SFSWAP: variants seen among roughly 807,000 people sequenced by gnomAD.
The protein encoded by SFSWAP is splicing factor, suppressor of white-apricot homolog.
A neutral mutation model predicts 100.7 loss-of-function variants in SFSWAP; 17 were observed. The observed-to-expected ratio is 0.17, with a 90% CI of 0.12 to 0.25. The LOEUF (loss-of-function observed/expected upper bound fraction) is 0.25. SFSWAP is among the 10% of genes least tolerant of loss of function. SFSWAP has a pLI of 1.00. For missense variants in SFSWAP, 1,005 were observed against 1,262.6 expected, an observed-to-expected ratio of 0.80 and a Z score of 3.09; for synonymous variants, 504 against 510.1, an observed-to-expected ratio of 0.99 and a Z score of 0.16.
Position 131,725,292 on chromosome 12 carries a change from G to GT in SFSWAP, c.607-112dup. The GT allele has an allele frequency of 3.4e-6, 3 of 874,380 alleles. No individual in the cohort carries two copies. Among genetic ancestry groups the GT allele is most frequent in the Non-Finnish European group, 5.6e-6 (3 of 540,252 alleles). 54.2% of individuals were successfully genotyped at this position (874,380 alleles called of 1,614,324 possible). ...CTGGGCTCTTCCAGCTTAAAGTCTC[G>GT]TATCTCTTAAAATTGACAGTAAAAC... On this transcript the variant is annotated intron_variant, in intron 4 of 17. Transcript: ENST00000261674. This position sits in a 1 kb window ranked among gnomAD's most constrained non-coding sequence, Gnocchi z 4.3.
chr12:131,785,506 A>G (rs1344340216), intron 14 of SFSWAP: 8 of 329,514 alleles, frequency 2.4e-5, no homozygotes, highest in Non-Finnish European at 3.4e-5. Context: ...CAAAATGGAA[A>G]TAAATGGTGT....
chr12:131,748,151 A>G (rs1881307243), intron 7 of SFSWAP, among the ~76,000 whole-genome samples: 2 of 152,000 alleles, frequency 1.3e-5, no homozygotes, highest in African/African-American at 4.8e-5. Context: ...AACATTTCTT[A>G]TTAAAATAGG....
At chr12:131,745,958 C>T (rs932381873) in intron 7 of SFSWAP, among the ~76,000 whole-genome samples, 4 of 152,214 alleles carry the variant, frequency 2.6e-5, no homozygotes, top group African/African-American at 9.6e-5. Flanking sequence ...GGTAAATCTG[C>T]TCTCAGCGGC....
intron 3 of SFSWAP, among the ~76,000 whole-genome samples, chr12:131,715,683 G>A (rs937848449): frequency 5.3e-5 from 8 of 152,094 alleles, no homozygotes; most frequent in Non-Finnish European, 7.4e-5. Flanking sequence ...CCTTAAAGAC[G>A]GGTCAGTATA....
At chr12:131,740,899 G>A (rs1049231064) in intron 7 of SFSWAP, among the ~76,000 whole-genome samples, 1 of 151,604 alleles carries the variant, frequency 6.6e-6, no homozygotes, top group Admixed American at 6.6e-5. Context: ...CCATGAGTGT[G>A]GCAGGGCTTC....
At chr12:131,790,554 A>G (rs1885171280) in intron 15 of SFSWAP, among the ~76,000 whole-genome samples, 1 of 152,232 alleles carries the variant, frequency 6.6e-6, no homozygotes, top group Non-Finnish European at 1.5e-5. Flanking sequence ...AGCCGCAGCT[A>G]CTTGGAGGGC....
At chr12:131,789,968 C>T (rs924164566) in intron 15 of SFSWAP, among the ~76,000 whole-genome samples, 4 of 152,190 alleles carry the variant, frequency 2.6e-5, no homozygotes, top group Admixed American at 1.3e-4. Context: ...ACTGAAGCAG[C>T]GCGGCTCTCC....
In SFSWAP at chr12:131,711,154, G is replaced by A. The variant is rs568691589; in HGVS notation, c.-76G>A. 1.4e-5 allele frequency: 17 copies of A among 1,214,752 alleles called. No homozygotes were observed. Among genetic ancestry groups the A allele is most frequent in the South Asian group, 4.5e-5 (3 of 67,230 alleles). The allele number at this position is 1,214,752 out of a possible 1,614,324, so 75.2% of individuals were successfully genotyped here. On this transcript the variant is annotated 5_prime_UTR_variant, in exon 1 of 18. Transcript: ENST00000261674. The surrounding 1 kb of genome is among the most constrained non-coding windows in gnomAD (Gnocchi z 4.9). ...ACGGGATGCGGGGTCTTTGACTGAA[G>A]GGGTAGGCCAAGTGGAGGTATCAGG...
chr12:131,779,867 A>G (rs1200758873), intron 14 of SFSWAP, among the ~76,000 whole-genome samples: 1 of 152,184 alleles, frequency 6.6e-6, no homozygotes, highest in African/African-American at 2.4e-5. Flanking sequence ...GCTCACTGCA[A>G]CCTCTGCCTC....
At chr12:131,759,507 T>G (rs2136231510) in intron 11 of SFSWAP, among the ~76,000 whole-genome samples, 1 of 152,206 alleles carries the variant, frequency 6.6e-6, no homozygotes. Flanking sequence ...CAGCTATGTA[T>G]GAAAATAGTA....
At chr12:131,777,652 T>C (rs1884135232) in intron 13 of SFSWAP, among the ~76,000 whole-genome samples, 1 of 152,264 alleles carries the variant, frequency 6.6e-6, no homozygotes, top group African/African-American at 2.4e-5. Context: ...CCTTTGGGTA[T>C]ATACCCAGTA....
intron 7 of SFSWAP, 99 bp from the exon 8 acceptor site, chr12:131,753,024 C>CG: frequency 6.6e-7 from 1 of 1,512,502 alleles, no homozygotes; most frequent in African/African-American, 1.4e-5. Context: ...AGAGGCAAGG[C>CG]TGCATCTTGC....
rs1253045297 is a variant in SFSWAP, at chr12:131,777,374, T to C, written c.2143-691T>C. On this transcript the variant is annotated intron_variant, in intron 13 of 17. Transcript: ENST00000261674. ...GTTCTCGTTGTTCAGTTCCCACCTA[T>C]GAGTGAGAACATGCGGTGTTTGGTT... is the stretch of plus-strand genomic sequence containing the variant. Among the ~76,000 whole-genome samples, 3 of 152,198 alleles carry C rather than the reference T, an allele frequency of 2.0e-5. No individual in the cohort carries two copies. The East Asian group carries it at 5.8e-4, about 29-fold the overall frequency.
intron 15 of SFSWAP, among the ~76,000 whole-genome samples, chr12:131,793,479 G>T (rs1885421308): frequency 6.6e-6 from 1 of 152,070 alleles, no homozygotes; most frequent in South Asian, 2.1e-4. Context: ...ATTCAGGGCG[G>T]ATCAGAGATC....
intron 13 of SFSWAP, 149 bp downstream of exon 13, chr12:131,766,457 A>T: frequency 1.4e-6 from 1 of 735,254 alleles, no homozygotes; most frequent in African/African-American, 1.8e-5. Flanking sequence ...AGTGGCTTTT[A>T]CTCTATAGCA....
At chr12:131,737,161 G>C (rs758912075) in intron 7 of SFSWAP, among the ~76,000 whole-genome samples, 1 of 152,196 alleles carries the variant, frequency 6.6e-6, no homozygotes, top group South Asian at 2.1e-4. Flanking sequence ...GCCAGGGCCC[G>C]AGCGCTGCAG....
intron 12 of SFSWAP, among the ~76,000 whole-genome samples, chr12:131,765,653 G>GAA (rs200643009): frequency 3.7e-5 from 5 of 136,648 alleles, no homozygotes; most frequent in East Asian, 4.2e-4. Flanking sequence ...CCGTCTCAAA[G>GAA]AAAAAAAAAA....
chr12:131,787,834 A>G (rs1885002073), intron 15 of SFSWAP, among the ~76,000 whole-genome samples: 1 of 152,222 alleles, frequency 6.6e-6, no homozygotes, highest in Non-Finnish European at 1.5e-5. Context: ...TTGGCCTAGT[A>G]CCACGGTTCC....
In SFSWAP at chr12:131,784,926, T is replaced by G. The variant is rs1313316043; in HGVS notation, c.2409-1537T>G. 3 of 526,650 alleles carry G rather than the reference T, an allele frequency of 5.7e-6. No individual in the cohort carries two copies. The African/African-American group carries it at 5.8e-5, about 10-fold the overall frequency. The allele number at this position is 526,650 out of a possible 1,614,324, so 32.6% of individuals were successfully genotyped here. On this transcript the variant is annotated intron_variant, in intron 14 of 17. Coordinates refer to ENST00000261674, the MANE Select transcript of SFSWAP (RefSeq NM_004592.4). Reference sequence around the variant, plus strand: ...GCCTTAAAAACTAACTTATTTTTCCTGATTATTGAGTTTATTGTAGAATTC... The same window carrying G: ...GCCTTAAAAACTAACTTATTTTTCCGGATTATTGAGTTTATTGTAGAATTC...
Sources: allele counts gnomAD v4.1 joint callset (sites outside exome capture counted in the v4.1 genomes callset), GRCh38; gene constraint gnomAD v4.1.1; non-coding constraint Gnocchi (gnomAD v3.1); transcripts MANE v1.5; gene names NCBI Gene and HGNC (gene_info 2026-07-23, HGNC 2026-07-21).